DOCK4: variants seen among roughly 807,000 people sequenced by gnomAD.
The protein encoded by DOCK4 is dedicator of cytokinesis protein 4.
DOCK4 carries 97 observed loss-of-function variants against 268.1 expected under a neutral mutation model. The ratio of observed to expected loss-of-function variants is 0.36; its 90% CI spans 0.31 to 0.43. DOCK4 has a LOEUF of 0.43. DOCK4 is among the 20% of genes least tolerant of loss of function. The pLI is 1.00. For synonymous variants in DOCK4, 954 were observed against 887.2 expected, an observed-to-expected ratio of 1.08 and a Z score of -1.34; for missense variants, 2,145 against 2,455.7, an observed-to-expected ratio of 0.87 and a Z score of 2.67.
At chr7:111,954,204 G>A (rs965609980) in intron 8 of DOCK4, among the ~76,000 whole-genome samples, 1 of 152,120 alleles carries the variant, frequency 6.6e-6, no homozygotes, top group African/African-American at 2.4e-5. Flanking sequence ...TGTTACTGTG[G>A]TCTCGCCTAG....
intron 50 of DOCK4, 121 bp from the exon 51 acceptor site, chr7:111,735,288 A>T: frequency 1.5e-6 from 1 of 652,518 alleles, no homozygotes; most frequent in East Asian, 2.8e-5. Context: ...AAAACAAAAC[A>T]GGAAACTTCT....
intron 41 of DOCK4, among the ~76,000 whole-genome samples, 194 bp from the exon 42 acceptor site, chr7:111,755,795 C>G (rs561740765): frequency 6.6e-6 from 1 of 152,340 alleles, no homozygotes; most frequent in Non-Finnish European, 1.5e-5. Context: ...CACTGTATGT[C>G]ATCAAACTTT....
chr7:112,200,585 A>G (rs1290188318), intron 1 of DOCK4, among the ~76,000 whole-genome samples: 1 of 152,112 alleles, frequency 6.6e-6, no homozygotes, highest in Non-Finnish European at 1.5e-5. Flanking sequence ...CTGTGATAGA[A>G]ACATAGACAT....
intron 39 of DOCK4, among the ~76,000 whole-genome samples, chr7:111,763,739 G>A (rs1368524738): frequency 1.8e-5 from 1 of 54,110 alleles, no homozygotes; most frequent in Non-Finnish European, 6.8e-5. Flanking sequence ...ACTGTCTGCT[G>A]CTCTGCTCAG....
chr7:111,748,527 C>T lies in DOCK4; in HGVS notation c.4417-1084G>A, dbSNP rs114128321. 5.1e-3 allele frequency among the ~76,000 whole-genome samples: 781 copies of T among 152,244 alleles called. 6 individuals carry two copies. Among genetic ancestry groups the T allele is most frequent in the African/African-American group, 0.018 (754 of 41,548 alleles). ...CAAATAATGAAAAGGTGTTGGGCCT[C>T]ATTTGTGATCAAAGATGTGAAAAAT... On this transcript the variant is annotated intron_variant, in intron 42 of 52. Transcript: ENST00000428084.
intron 26 of DOCK4, among the ~76,000 whole-genome samples, chr7:111,833,823 T>C (rs1803036979): frequency 6.6e-6 from 1 of 152,228 alleles, no homozygotes; most frequent in Admixed American, 6.5e-5. Context: ...GCAAATGTCA[T>C]AGCAGAACTG....
At chr7:112,009,477 A>G (rs145365667) in intron 1 of DOCK4, among the ~76,000 whole-genome samples, 1 of 152,346 alleles carries the variant, frequency 6.6e-6, no homozygotes, top group African/African-American at 2.4e-5. Context: ...ATAAAATTTT[A>G]TATCAGTGCT....
At chr7:111,788,638 A>G (rs1356027022) in intron 32 of DOCK4, 24 bp downstream of exon 32, 2 of 1,555,548 alleles carry the variant, frequency 1.3e-6, no homozygotes, top group Admixed American at 1.9e-5. Context: ...AATGGAATCA[A>G]CTTGAGATAA....
At chr7:111,857,789 C>G (rs997527945) in intron 23 of DOCK4, among the ~76,000 whole-genome samples, 9 of 152,202 alleles carry the variant, frequency 5.9e-5, no homozygotes, top group African/African-American at 2.2e-4. Flanking sequence ...CCTCCTTCCC[C>G]AACAACCTCT....
chr7:111,894,346 A>C (rs1361231486), intron 16 of DOCK4, among the ~76,000 whole-genome samples: 1 of 152,198 alleles, frequency 6.6e-6, no homozygotes, highest in Non-Finnish European at 1.5e-5. Flanking sequence ...TCTTCACTGA[A>C]CATCTATCAC....
At chr7:111,742,257 G>T in intron 44 of DOCK4, 125 bp from the exon 45 acceptor site, 1 of 1,022,322 alleles carries the variant, frequency 9.8e-7, no homozygotes, top group Non-Finnish European at 1.3e-6. Flanking sequence ...CCTCTGACAA[G>T]GTAGGAACAG....
intron 36 of DOCK4, among the ~76,000 whole-genome samples, chr7:111,773,751 T>C (rs1798270528): frequency 6.6e-6 from 1 of 152,030 alleles, no homozygotes; most frequent in Non-Finnish European, 1.5e-5. Flanking sequence ...GTGCGGTAGC[T>C]CACATCTGTA....
chr7:111,739,099 C>G (rs774620217), intron 49 of DOCK4, 35 bp downstream of exon 49: 1 of 1,570,804 alleles, frequency 6.4e-7, no homozygotes, highest in South Asian at 1.1e-5. Context: ...CAGAATTGTC[C>G]TTGTTTTCTA....
intron 28 of DOCK4, among the ~76,000 whole-genome samples, chr7:111,810,672 C>G (rs979425528): frequency 1.3e-5 from 2 of 151,858 alleles, no homozygotes; most frequent in African/African-American, 4.8e-5. Context: ...ACCTTTCACT[C>G]AACAATTCCA....
intron 13 of DOCK4, among the ~76,000 whole-genome samples, chr7:111,913,888 A>T (rs565988740): frequency 2.0e-5 from 3 of 152,106 alleles, no homozygotes; most frequent in Admixed American, 2.0e-4. Context: ...TCTCTAAAAA[A>T]GAAAACACAA....
Position 111,868,089 on chromosome 7 carries a change from C to T in DOCK4, c.2175G>A (p.Gly725=). Residue 725 remains glycine, a synonymous_variant, in exon 22 of 53, where the codon GGG becomes GGA. Coordinates refer to ENST00000428084, the MANE Select transcript of DOCK4 (RefSeq NM_001363540.2). ...SRRLFSLATG[G]QNEEEFRCCI... ...AGCAGCGGAACTCCTCTTCGTTTTG[C>T]CCACCAGTGGCAAGGGAAAACAGCC... The T allele has an allele frequency of 1.2e-6, 2 of 1,613,370 alleles. No individual in the cohort carries two copies. Among genetic ancestry groups the T allele is most frequent in the South Asian group, 1.1e-5 (1 of 90,970 alleles).
At chr7:111,754,684 A>G (rs1458838183) in intron 42 of DOCK4, among the ~76,000 whole-genome samples, 1 of 152,242 alleles carries the variant, frequency 6.6e-6, no homozygotes, top group African/African-American at 2.4e-5. Flanking sequence ...CTGGAAGAAC[A>G]GCACAGACAG....
At chr7:112,028,568 T>G (rs876169) in intron 1 of DOCK4, among the ~76,000 whole-genome samples, 82,789 of 151,624 alleles carry the variant, frequency 0.55, 24,580 homozygotes, top group African/African-American at 0.8. Flanking sequence ...AAACAATCTT[T>G]CTAGTCTCTT....
chr7:111,952,927 T>A (rs553219697), intron 8 of DOCK4, among the ~76,000 whole-genome samples: 2 of 152,174 alleles, frequency 1.3e-5, no homozygotes, highest in Non-Finnish European at 2.9e-5. Flanking sequence ...TCATTTGTCT[T>A]AAATTGAACT....
Sources: gnomAD v4.1 joint callset for allele counts (sites outside exome capture counted in the v4.1 genomes callset) on GRCh38, gnomAD v4.1.1 for gene constraint, MANE v1.5 for transcripts, NCBI Gene and HGNC (gene_info 2026-07-23, HGNC 2026-07-21) for gene names.